Variants in DGKG observed in about 807,000 individuals in gnomAD.
DGKG encodes the protein DAG kinase gamma.
DGKG carries 78 observed loss-of-function variants against 105.3 expected under a neutral mutation model. The ratio of observed to expected loss-of-function variants is 0.74; its 90% CI spans 0.62 to 0.89. The LOEUF (loss-of-function observed/expected upper bound fraction) is 0.89, where lower values mean the gene tolerates loss of function less well. Among genes scored for constraint, DGKG ranks in the 40% least tolerant of loss-of-function variants. DGKG has a pLI of 0.00. For synonymous variants in DGKG, 346 were observed against 367.1 expected (o/e 0.94, Z 0.66); for missense variants, 958 against 1,020.1 (o/e 0.94, Z 0.83).
intron 4 of DGKG, 137 bp downstream of exon 4, chr3:186,297,927 T>C: frequency 1.0e-6 from 1 of 968,476 alleles, no homozygotes; most frequent in South Asian, 1.7e-5. Context: ...AGGAAAGGCG[T>C]CCCTGTCCCT....
At chr3:186,293,115 T>C (rs1483164751) in intron 5 of DGKG, among the ~76,000 whole-genome samples, 2 of 152,178 alleles carry the variant, frequency 1.3e-5, no homozygotes, top group African/African-American at 2.4e-5. Context: ...GATGAATACA[T>C]CAACACATCA....
chr3:186,317,416 C>A (rs1724869008), intron 2 of DGKG, among the ~76,000 whole-genome samples: 1 of 152,204 alleles, frequency 6.6e-6, no homozygotes, highest in African/African-American at 2.4e-5. Flanking sequence ...CAAATCCCAT[C>A]ACACACCCTC....
intron 20 of DGKG, among the ~76,000 whole-genome samples, chr3:186,232,055 C>T (rs564021368): frequency 6.1e-4 from 93 of 152,238 alleles, no homozygotes; most frequent in African/African-American, 2.1e-3. Flanking sequence ...GACCCAGAAT[C>T]GTGTTGAAAG....
intron 20 of DGKG, among the ~76,000 whole-genome samples, chr3:186,229,998 G>A (rs182368406): frequency 7.1e-4 from 108 of 152,282 alleles, no homozygotes; most frequent in Admixed American, 5.9e-4. Flanking sequence ...GGTGGCTCAC[G>A]CCTGTAATCT....
At chr3:186,200,842 A>G (rs937050951) in intron 21 of DGKG, among the ~76,000 whole-genome samples, 1 of 152,210 alleles carries the variant, frequency 6.6e-6, no homozygotes, top group African/African-American at 2.4e-5. Context: ...CTGCTTAAGA[A>G]CATCCCATGG....
At chr3:186,223,723 T>C (rs1452455201) in intron 20 of DGKG, among the ~76,000 whole-genome samples, 3 of 152,208 alleles carry the variant, frequency 2.0e-5, no homozygotes, top group Admixed American at 1.3e-4. Flanking sequence ...GAAAATCTCA[T>C]CCATATGCTC....
intron 21 of DGKG, among the ~76,000 whole-genome samples, chr3:186,198,250 A>G (rs1440894748): frequency 6.6e-6 from 1 of 152,228 alleles, no homozygotes; most frequent in Non-Finnish European, 1.5e-5. Flanking sequence ...AGTGGACCAA[A>G]TTTCCAGGAT....
intron 20 of DGKG, among the ~76,000 whole-genome samples, chr3:186,229,638 T>C (rs1720042786): frequency 6.6e-6 from 1 of 152,202 alleles, no homozygotes; most frequent in Non-Finnish European, 1.5e-5. Flanking sequence ...AGGACACTGA[T>C]ATAGTTGGTA....
intron 20 of DGKG, among the ~76,000 whole-genome samples, chr3:186,218,934 TA>T (rs1719434329): frequency 6.6e-6 from 1 of 152,174 alleles, no homozygotes; most frequent in African/African-American, 2.4e-5. Flanking sequence ...CTACTGAAGA[TA>T]ATAGACTAGC....
At chr3:186,341,902 A>AT (rs1261263110) in intron 1 of DGKG, among the ~76,000 whole-genome samples, 1 of 152,196 alleles carries the variant, frequency 6.6e-6, no homozygotes, top group African/African-American at 2.4e-5. Context: ...CATTCTCAGT[A>AT]AACTATCGCA....
chr3:186,147,800 C>T lies in DGKG; in HGVS notation c.*2290G>A. 1.0e-6 allele frequency: 1 copy of T among 985,424 alleles called. No individual in the cohort carries two copies. The highest frequency in any genetic ancestry group is 1.7e-5 in the African/African-American group (1 of 57,352). The allele number at this position is 985,424 out of a possible 1,614,324, so 61.0% of individuals were successfully genotyped here. Reference sequence around the variant, plus strand: ...GTAAATGTCTTAGAATCAGTGACCCCAAACCTGAACCTGCCTCAGTTTCAG... The same window carrying T: ...GTAAATGTCTTAGAATCAGTGACCCTAAACCTGAACCTGCCTCAGTTTCAG... On this transcript the variant is annotated 3_prime_UTR_variant, in exon 25 of 25. Coordinates refer to ENST00000265022, the MANE Select transcript of DGKG (RefSeq NM_001346.3).
At chr3:186,271,781 T>C (rs1183091384) in intron 11 of DGKG, among the ~76,000 whole-genome samples, 1 of 152,162 alleles carries the variant, frequency 6.6e-6, no homozygotes, top group Non-Finnish European at 1.5e-5. Flanking sequence ...ATAAGCCGTG[T>C]CTCATGCCTT....
At chr3:186,333,274 G>A (rs1184660252) in intron 1 of DGKG, among the ~76,000 whole-genome samples, 1 of 152,098 alleles carries the variant, frequency 6.6e-6, no homozygotes, top group East Asian at 1.9e-4. Flanking sequence ...ATTCAGGGAG[G>A]GTCAGCAACC....
At chr3:186,158,389 C>A (rs1192890955) in intron 24 of DGKG, 1 of 982,870 alleles carries the variant, frequency 1.0e-6, no homozygotes, top group East Asian at 1.1e-4. Context: ...AGTAATCTAC[C>A]ATGGTGGCTT....
intron 2 of DGKG, among the ~76,000 whole-genome samples, chr3:186,315,240 A>G (rs1724760804): frequency 6.6e-6 from 1 of 152,184 alleles, no homozygotes; most frequent in Non-Finnish European, 1.5e-5. Flanking sequence ...ACCACTAGTA[A>G]TTAATGTATT....
intron 3 of DGKG, among the ~76,000 whole-genome samples, chr3:186,300,338 T>A (rs1284424134): frequency 6.6e-6 from 1 of 152,220 alleles, no homozygotes; most frequent in Non-Finnish European, 1.5e-5. Flanking sequence ...CAGATTAGCC[T>A]CCTCATCTCC....
chr3:186,216,874 T>G (rs375852790), intron 20 of DGKG, among the ~76,000 whole-genome samples: 1 of 152,206 alleles, frequency 6.6e-6, no homozygotes, highest in East Asian at 1.9e-4. Context: ...TACAAGAATA[T>G]GGCATCTGAG....
chr3:186,333,219 G>A (rs1032055086), intron 1 of DGKG, among the ~76,000 whole-genome samples: 5 of 152,180 alleles, frequency 3.3e-5, no homozygotes, highest in Non-Finnish European at 5.9e-5. Context: ...CCGGGGGAAC[G>A]TGTTAGGAAG....
rs557377767 is a variant in DGKG, at chr3:186,210,117, C to T, written c.1917+1678G>A. 1.5e-3 allele frequency among the ~76,000 whole-genome samples: 222 copies of T among 152,240 alleles called. 1 individual carries two copies. Among genetic ancestry groups the T allele is most frequent in the Middle Eastern group, 6.8e-3 (2 of 294 alleles). On this transcript the variant is annotated intron_variant, in intron 21 of 24. Coordinates refer to ENST00000265022, the MANE Select transcript of DGKG (RefSeq NM_001346.3). This position sits in a 1 kb window ranked among gnomAD's most constrained non-coding sequence, Gnocchi z 5.2. Reference sequence around the variant, plus strand: ...CAGAGGGGACTGTGGGGCCTGGAGCCGGGAGGGCAGGCCAGAGGCAGGGGA... The same window carrying T: ...CAGAGGGGACTGTGGGGCCTGGAGCTGGGAGGGCAGGCCAGAGGCAGGGGA...
Sources: gnomAD v4.1 joint callset for allele counts (sites outside exome capture counted in the v4.1 genomes callset) on GRCh38, gnomAD v4.1.1 for gene constraint, Gnocchi (gnomAD v3.1) non-coding constraint, MANE v1.5 for transcripts, NCBI Gene and HGNC (gene_info 2026-07-23, HGNC 2026-07-21) for gene names.